Variants in SHB observed in about 807,000 individuals in gnomAD.
SHB encodes SH2 domain-containing adapter protein B.
Under a neutral mutation model 52.3 loss-of-function variants are expected in SHB, and 20 were observed. The observed-to-expected ratio is 0.38, with a 90% CI of 0.27 to 0.56. The LOEUF (loss-of-function observed/expected upper bound fraction) is 0.56. Ranked by LOEUF, SHB falls within the 20% of genes least tolerant of loss-of-function variation. SHB has a pLI of 0.71. For synonymous variants in SHB, 397 were observed against 316.5 expected, an observed-to-expected ratio of 1.25 and a Z score of -2.70; for missense variants, 825 against 723.3, an observed-to-expected ratio of 1.14 and a Z score of -1.61.
chr9:37,950,573 C>A (rs1206839175), intron 4 of SHB, among the ~76,000 whole-genome samples: 1 of 152,162 alleles, frequency 6.6e-6, no homozygotes, highest in Non-Finnish European at 1.5e-5. Flanking sequence ...TGAGACTCAG[C>A]CAGGAGAGGC....
At chr9:37,940,861 G>C (rs748148572) in intron 5 of SHB, among the ~76,000 whole-genome samples, 3 of 152,166 alleles carry the variant, frequency 2.0e-5, no homozygotes, top group Non-Finnish European at 4.4e-5. Context: ...CCACAAGTTC[G>C]GAAGATGGGC....
intron 1 of SHB, among the ~76,000 whole-genome samples, chr9:38,044,991 T>C (rs1004852027): frequency 4.6e-5 from 7 of 151,946 alleles, no homozygotes; most frequent in Non-Finnish European, 7.4e-5. Flanking sequence ...CTTAAGAGGA[T>C]GAGGAGGATA....
chr9:37,940,435 A>C (rs1832421828), intron 5 of SHB, among the ~76,000 whole-genome samples: 2 of 152,324 alleles, frequency 1.3e-5, no homozygotes, highest in African/African-American at 4.8e-5. Flanking sequence ...TGTTTTGCCT[A>C]CAGCAGTGGC....
intron 2 of SHB, among the ~76,000 whole-genome samples, chr9:38,000,757 T>C (rs1338974542): frequency 1.3e-5 from 2 of 152,196 alleles, no homozygotes; most frequent in African/African-American, 4.8e-5. Context: ...AGGCTTTACT[T>C]GCCACATAGG....
chr9:37,931,151 A>G (rs1832306967), intron 5 of SHB, among the ~76,000 whole-genome samples: 2 of 152,210 alleles, frequency 1.3e-5, no homozygotes, highest in African/African-American at 4.8e-5. Context: ...AAAAATAGAA[A>G]CTATAAAACT....
intron 2 of SHB, among the ~76,000 whole-genome samples, chr9:37,981,701 A>ATG (rs1456773492): frequency 1.3e-5 from 2 of 152,084 alleles, no homozygotes; most frequent in African/African-American, 4.8e-5. Context: ...AAAGTGAGAG[A>ATG]TGTGTGACTC....
intron 1 of SHB, among the ~76,000 whole-genome samples, chr9:38,030,436 A>G (rs943939): frequency 1 from 152,229 of 152,330 alleles, 76,064 homozygotes; most frequent in Middle Eastern, 1. Context: ...CTTCCTCACA[A>G]AGGGCTGCAG....
chr9:37,989,374 A>G (rs1478150325), intron 2 of SHB, among the ~76,000 whole-genome samples: 1 of 152,126 alleles, frequency 6.6e-6, no homozygotes, highest in Non-Finnish European at 1.5e-5. Flanking sequence ...AGGACCTGCA[A>G]TTCTTCCTTC....
chr9:37,927,624 C>T (rs997779761), intron 5 of SHB, among the ~76,000 whole-genome samples: 5 of 152,184 alleles, frequency 3.3e-5, no homozygotes, highest in Non-Finnish European at 7.3e-5. Flanking sequence ...AAAATGAACC[C>T]ATTTTGGGCA....
In SHB at chr9:37,916,171, C is replaced by G. The variant is rs555091715; in HGVS notation, c.*3650G>C. Among the ~76,000 whole-genome samples, 1 of 152,366 alleles carries G rather than the reference C, an allele frequency of 6.6e-6. No homozygotes were observed. The highest frequency in any genetic ancestry group is 1.9e-4 in the East Asian group (1 of 5,180). The stretch of plus-strand genomic sequence containing the variant: ...GCGCCCACATCTAAGACTGTGCGCC[C>G]TGCACTCCCTCTGGATGGCTTGCCG... On this transcript the variant is annotated 3_prime_UTR_variant, in exon 6 of 6. Transcript: ENST00000377707.
chr9:37,935,190 T>A (rs1832354871), intron 5 of SHB, among the ~76,000 whole-genome samples: 1 of 152,220 alleles, frequency 6.6e-6, no homozygotes, highest in Non-Finnish European at 1.5e-5. Context: ...CTCAGTCATC[T>A]TACCATCGAT....
chr9:37,937,900 T>C (rs537993565), intron 5 of SHB, among the ~76,000 whole-genome samples: 4 of 152,266 alleles, frequency 2.6e-5, no homozygotes, highest in East Asian at 3.9e-4. Flanking sequence ...TGTGCCTCAG[T>C]TGACCCCACC....
At chr9:37,966,822 C>T (rs1367602692) in intron 3 of SHB, among the ~76,000 whole-genome samples, 1 of 152,154 alleles carries the variant, frequency 6.6e-6, no homozygotes, top group East Asian at 1.9e-4. Flanking sequence ...GAAGATGAGT[C>T]ACATAGCTTG....
chr9:37,932,229 C>T (rs1393488365), intron 5 of SHB, among the ~76,000 whole-genome samples: 5 of 140,622 alleles, frequency 3.6e-5, no homozygotes, highest in African/African-American at 1.3e-4. Flanking sequence ...GCCAAGATCG[C>T]GCCACTGCAC....
intron 1 of SHB, among the ~76,000 whole-genome samples, chr9:38,018,289 G>A (rs746987845): frequency 2.0e-4 from 31 of 152,056 alleles, no homozygotes; most frequent in Non-Finnish European, 3.7e-4. Context: ...GTTTGCCCTG[G>A]GACAGGAGTT....
At chr9:38,010,424 C>T (rs1329703275) in intron 2 of SHB, among the ~76,000 whole-genome samples, 1 of 152,226 alleles carries the variant, frequency 6.6e-6, no homozygotes, top group Non-Finnish European at 1.5e-5. Flanking sequence ...GCTTCCAGAT[C>T]CCAGTCAGTC....
Position 37,974,771 on chromosome 9 carries a change from T to C in SHB, c.905A>G (p.Glu302Gly), listed in dbSNP as rs1399715497. Reference sequence around the variant, plus strand: ...TGAGTCAACACTTTGGCCTTCAGGTTCGTAAGGGGTGTCATATAACTGGAT... The same window carrying C: ...TGAGTCAACACTTTGGCCTTCAGGTCCGTAAGGGGTGTCATATAACTGGAT... The part of the protein sequence containing the change: ...KGIQLYDTPY[E>G]PEGQSVDSDS... The change falls in exon 3 of 6, where the codon GAA becomes GGA. Residue 302 changes from glutamate to glycine, a missense_variant. Transcript: ENST00000377707. The C allele has an allele frequency of 2.5e-6, 4 of 1,614,030 alleles. No individual in the cohort carries two copies. In the African/African-American group the frequency reaches 4.0e-5, roughly 16 times the overall value.
intron 2 of SHB, among the ~76,000 whole-genome samples, chr9:37,986,154 C>A (rs1322323722): frequency 6.6e-6 from 1 of 152,136 alleles, no homozygotes; most frequent in Non-Finnish European, 1.5e-5. Flanking sequence ...CAAGGAGACA[C>A]CTTGAGGGCC....
intron 1 of SHB, among the ~76,000 whole-genome samples, chr9:38,038,893 G>C (rs1821527268): frequency 6.6e-6 from 1 of 152,206 alleles, no homozygotes; most frequent in South Asian, 2.1e-4. Context: ...CCCGGAGAGG[G>C]AGTGTGTGCC....
Sources: gnomAD v4.1 joint callset for allele counts (sites outside exome capture counted in the v4.1 genomes callset) on GRCh38, gnomAD v4.1.1 for gene constraint, MANE v1.5 for transcripts, NCBI Gene and HGNC (gene_info 2026-07-23, HGNC 2026-07-21) for gene names.